The following OPCML variants were observed in gnomAD, a reference collection of about 807,000 sequenced individuals.
OPCML encodes opioid binding protein/cell adhesion molecule like.
OPCML carries 13 observed loss-of-function variants against 37.8 expected under a neutral mutation model. The ratio of observed to expected loss-of-function variants is 0.34; its 90% confidence interval spans 0.22 to 0.55. OPCML has a LOEUF of 0.55. Among genes scored for constraint, OPCML ranks in the 20% least tolerant of loss-of-function variants. The pLI is 0.91. For synonymous variants in OPCML, 176 were observed against 168.8 expected (o/e 1.04, Z -0.33); for missense variants, 341 against 435.6 (o/e 0.78, Z 1.93).
intron 2 of OPCML, among the ~76,000 whole-genome samples, chr11:132,767,484 A>G (rs1449362784): frequency 6.6e-6 from 1 of 152,186 alleles, no homozygotes; most frequent in African/African-American, 2.4e-5. Context: ...CTGAACTTCC[A>G]TTTAGCCGAC....
chr11:133,414,513 G>C (rs1048357918), intron 1 of OPCML, among the ~76,000 whole-genome samples: 1 of 152,024 alleles, frequency 6.6e-6, no homozygotes. Context: ...ATAAATCCTG[G>C]TTTTCAGGTA....
At chr11:132,435,841 G>A (rs938628882) in intron 7 of OPCML, among the ~76,000 whole-genome samples, 2 of 152,202 alleles carry the variant, frequency 1.3e-5, no homozygotes, top group African/African-American at 4.8e-5. Flanking sequence ...CTGATTCACA[G>A]TTTGGTTTAC....
intron 4 of OPCML, among the ~76,000 whole-genome samples, chr11:132,519,287 T>C (rs73033769): frequency 0.064 from 9,790 of 152,118 alleles, 513 homozygotes; most frequent in African/African-American, 0.13. Context: ...TGTGAAGGCA[T>C]TATGAATCTA....
chr11:133,146,292 T>C (rs1282021803), intron 1 of OPCML, among the ~76,000 whole-genome samples: 1 of 150,766 alleles, frequency 6.6e-6, no homozygotes, highest in Non-Finnish European at 1.5e-5. Flanking sequence ...TTCCCTGCCA[T>C]GCTCTATCTT....
intron 1 of OPCML, among the ~76,000 whole-genome samples, chr11:133,133,347 G>C (rs1231141815): frequency 6.6e-6 from 1 of 152,286 alleles, no homozygotes; most frequent in East Asian, 1.9e-4. Flanking sequence ...GCCAGGAAAA[G>C]CTGCCTTGGC....
At chr11:132,992,684 G>C (rs1173167762) in intron 1 of OPCML, among the ~76,000 whole-genome samples, 2 of 152,146 alleles carry the variant, frequency 1.3e-5, no homozygotes, top group Non-Finnish European at 2.9e-5. Context: ...TGGGGAGCAA[G>C]GGGTGCTAGA....
chr11:133,480,891 A>G (rs1947357741), intron 1 of OPCML, among the ~76,000 whole-genome samples: 1 of 152,200 alleles, frequency 6.6e-6, no homozygotes. Flanking sequence ...CTGGACCTAA[A>G]TTACTTGCTT....
intron 1 of OPCML, among the ~76,000 whole-genome samples, chr11:133,292,416 C>T (rs1267106224): frequency 6.6e-6 from 1 of 152,096 alleles, no homozygotes; most frequent in South Asian, 2.1e-4. Flanking sequence ...TTTTACTCCA[C>T]GTGTACACAG....
intron 1 of OPCML, among the ~76,000 whole-genome samples, chr11:133,259,763 G>A (rs1403000000): frequency 6.6e-6 from 1 of 152,180 alleles, no homozygotes; most frequent in South Asian, 2.1e-4. Flanking sequence ...GGGCAAATGA[G>A]GGATACAATG....
At chr11:133,136,422 A>G (rs1181999970) in intron 1 of OPCML, among the ~76,000 whole-genome samples, 1 of 152,184 alleles carries the variant, frequency 6.6e-6, no homozygotes. Context: ...CACTGCAGAG[A>G]CAGACTGGGA....
At chr11:132,770,242 G>C (rs1946593770) in intron 2 of OPCML, among the ~76,000 whole-genome samples, 1 of 152,146 alleles carries the variant, frequency 6.6e-6, no homozygotes, top group African/African-American at 2.4e-5. Context: ...ACGAATTCCT[G>C]CTCTCATGGA....
chr11:132,757,192 G>A (rs765627598), intron 2 of OPCML, among the ~76,000 whole-genome samples: 41 of 152,108 alleles, frequency 2.7e-4, no homozygotes, highest in Non-Finnish European at 5.6e-4. Context: ...TCTTTATCCA[G>A]TCTATCATTG....
chr11:133,494,434 C>T (rs539630609), intron 1 of OPCML, among the ~76,000 whole-genome samples: 3,360 of 151,518 alleles, frequency 0.022, 125 homozygotes, highest in African/African-American at 0.077. Flanking sequence ...ATGTTTATTG[C>T]GGCACTATTC....
At chr11:132,999,655 C>T (rs192678294) in intron 1 of OPCML, among the ~76,000 whole-genome samples, 3 of 152,180 alleles carry the variant, frequency 2.0e-5, no homozygotes, top group Admixed American at 6.5e-5. Context: ...CTGCCACGAG[C>T]GTGCCTGTGT....
intron 3 of OPCML, among the ~76,000 whole-genome samples, chr11:132,613,655 T>A (rs147167228): frequency 6.6e-6 from 1 of 152,118 alleles, no homozygotes; most frequent in Non-Finnish European, 1.5e-5. Flanking sequence ...AATAATATAA[T>A]GGCCTTTTAG....
chr11:132,867,802 C>G (rs191350823), intron 2 of OPCML, among the ~76,000 whole-genome samples: 1 of 152,250 alleles, frequency 6.6e-6, no homozygotes, highest in African/African-American at 2.4e-5. Context: ...TTTGAGGATA[C>G]TTGATTTAAT....
chr11:133,266,056 A>G (rs1304632612), intron 1 of OPCML, among the ~76,000 whole-genome samples: 4 of 151,784 alleles, frequency 2.6e-5, no homozygotes, highest in Non-Finnish European at 4.4e-5. Flanking sequence ...CAACACTAGG[A>G]AAAAAAAAGT....
chr11:133,040,279 A>C (rs902654458), intron 1 of OPCML, among the ~76,000 whole-genome samples: 1 of 152,070 alleles, frequency 6.6e-6, no homozygotes, highest in Non-Finnish European at 1.5e-5. Flanking sequence ...GAGCTATTCC[A>C]GTTCTTCTCA....
At chr11:133,346,489 T>C (rs966673213) in intron 1 of OPCML, among the ~76,000 whole-genome samples, 15 of 152,196 alleles carry the variant, frequency 9.9e-5, no homozygotes, top group African/African-American at 3.6e-4. Flanking sequence ...GAAATGCAAA[T>C]GCAAATTTTG....
Sources: gnomAD v4.1 joint callset for allele counts (sites outside exome capture counted in the v4.1 genomes callset) on GRCh38, gnomAD v4.1.1 for gene constraint, MANE v1.5 for transcripts, NCBI Gene and HGNC (gene_info 2026-07-23, HGNC 2026-07-21) for gene names.